The following SIPA1L1 variants were observed in gnomAD, a reference collection of about 807,000 sequenced individuals.
The protein encoded by SIPA1L1 is signal induced proliferation associated 1 like 1.
SIPA1L1 carries 26 observed loss-of-function variants against 162.7 expected under a neutral mutation model. The ratio of observed to expected loss-of-function variants is 0.16; its 90% confidence interval spans 0.12 to 0.22. SIPA1L1 has a LOEUF of 0.22. Among genes scored for constraint, SIPA1L1 ranks in the 10% least tolerant of loss-of-function variants. The pLI, the probability that SIPA1L1 is intolerant of heterozygous loss-of-function variation, is 1.00. For missense variants in SIPA1L1, 1,874 were observed against 2,241.0 expected (o/e 0.84, Z 3.31); for synonymous variants, 829 against 837.4 (o/e 0.99, Z 0.17).
At chr14:71,646,178 CTTTTTT>C (rs756484967) in intron 7 of SIPA1L1, among the ~76,000 whole-genome samples, 1 of 142,076 alleles carries the variant, frequency 7.0e-6, no homozygotes, top group African/African-American at 2.6e-5. Flanking sequence ...TTTCTTTCTA[CTTTTTT>C]TTTTTTTTTT....
At chr14:71,623,579 C>T (rs1434971913) in intron 6 of SIPA1L1, among the ~76,000 whole-genome samples, 1 of 152,146 alleles carries the variant, frequency 6.6e-6, no homozygotes, top group Non-Finnish European at 1.5e-5. Flanking sequence ...ATAGTTTATG[C>T]TTGTCAGCCA....
intron 7 of SIPA1L1, among the ~76,000 whole-genome samples, chr14:71,625,844 T>C (rs2039925077): frequency 6.6e-6 from 1 of 152,252 alleles, no homozygotes; most frequent in African/African-American, 2.4e-5. Flanking sequence ...GTAAAGGAGA[T>C]AGTTATTGCC....
At chr14:71,455,445 A>G (rs2046121339) in intron 2 of SIPA1L1, among the ~76,000 whole-genome samples, 1 of 152,172 alleles carries the variant, frequency 6.6e-6, no homozygotes, top group South Asian at 2.1e-4. Context: ...GGAGTTCCAT[A>G]TGATCACGAG....
intron 2 of SIPA1L1, among the ~76,000 whole-genome samples, chr14:71,325,814 A>G (rs1369793691): frequency 1.3e-5 from 2 of 152,096 alleles, no homozygotes; most frequent in African/African-American, 4.8e-5. Flanking sequence ...GTCATGTTGC[A>G]CTAAGTTCTC....
intron 6 of SIPA1L1, 57 bp from the exon 7 acceptor site, chr14:71,623,991 T>C: frequency 7.0e-7 from 1 of 1,436,882 alleles, no homozygotes; most frequent in Non-Finnish European, 9.5e-7. Context: ...TGCATGTACA[T>C]GTGTTCAGGC....
intron 2 of SIPA1L1, among the ~76,000 whole-genome samples, chr14:71,446,588 G>T (rs1347600774): frequency 6.6e-6 from 1 of 152,036 alleles, no homozygotes; most frequent in South Asian, 2.1e-4. Flanking sequence ...AAGAAAGAAA[G>T]AATTTACTAT....
chr14:71,559,153 C>A (rs1259046837), intron 4 of SIPA1L1, among the ~76,000 whole-genome samples: 1 of 151,756 alleles, frequency 6.6e-6, no homozygotes, highest in African/African-American at 2.4e-5. Flanking sequence ...TTGCAACCTC[C>A]GCCTCCCTGG....
intron 2 of SIPA1L1, among the ~76,000 whole-genome samples, chr14:71,502,242 GA>G (rs139102210): frequency 0.01 from 1,122 of 108,310 alleles, 29 homozygotes; most frequent in African/African-American, 0.035. Context: ...TGAGATACTT[GA>G]AAAAAAAAAA....
chr14:71,336,232 TAA>T (rs942573432), intron 2 of SIPA1L1, among the ~76,000 whole-genome samples: 3 of 152,228 alleles, frequency 2.0e-5, no homozygotes, highest in African/African-American at 7.2e-5. Flanking sequence ...CTATTTAAAT[TAA>T]AAAGTCAGTA....
At chr14:71,623,824 G>A (rs184251973) in intron 6 of SIPA1L1, among the ~76,000 whole-genome samples, 29 of 152,232 alleles carry the variant, frequency 1.9e-4, no homozygotes, top group African/African-American at 6.5e-4. Context: ...TCTTGATTAT[G>A]TGCTCCTTTG....
In SIPA1L1 at chr14:71,723,861, T is replaced by A; in HGVS notation, c.4423T>A (p.Ser1475Thr). The change falls in exon 18 of 24, where the codon TCC (serine) becomes ACC (threonine). Residue 1475 changes from serine (S) to threonine (T), a missense_variant. Around this residue, in one of 5 missense-constraint regions of SIPA1L1, gnomAD observed 936 missense variants for 1,051.9 expected, o/e 0.89. Coordinates refer to ENST00000381232, the MANE Select transcript of SIPA1L1 (RefSeq NM_001386936.1). The part of the protein sequence containing the change: ...GWKKPEGTIN[S>T]VGFMDTRKRH... Reference sequence around the variant, plus strand: ...GAAAAAACCCGAAGGAACCATAAACTCCGTGGGATTTATGGACACGAGAAA... The same window carrying A: ...GAAAAAACCCGAAGGAACCATAAACACCGTGGGATTTATGGACACGAGAAA... 2 of 1,614,140 alleles carry A rather than the reference T, an allele frequency of 1.2e-6. No individual in the cohort carries two copies. The highest frequency in any genetic ancestry group is 8.5e-7 in the Non-Finnish European group (1 of 1,180,024).
intron 19 of SIPA1L1, 38 bp downstream of exon 19, chr14:71,724,873 C>T (rs1479807577): frequency 1.9e-6 from 3 of 1,573,126 alleles, no homozygotes; most frequent in Admixed American, 3.5e-5. Context: ...CAATTAGAAA[C>T]AAGCCAGACA....
At chr14:71,589,410 G>A in intron 5 of SIPA1L1, 40 bp downstream of exon 5, 1 of 1,354,316 alleles carries the variant, frequency 7.4e-7, no homozygotes, top group Non-Finnish European at 1.0e-6. Context: ...TTCTTTTGCA[G>A]TACTTTCTGA....
At chr14:71,567,597 C>G (rs1452005261) in intron 4 of SIPA1L1, among the ~76,000 whole-genome samples, 1 of 149,976 alleles carries the variant, frequency 6.7e-6, no homozygotes, top group Non-Finnish European at 1.5e-5. Context: ...AAACAAGGGT[C>G]AGATTATTCA....
At chr14:71,417,736 A>G (rs1181900736) in intron 2 of SIPA1L1, among the ~76,000 whole-genome samples, 1 of 152,012 alleles carries the variant, frequency 6.6e-6, no homozygotes, top group African/African-American at 2.4e-5. Flanking sequence ...GGACATGCAC[A>G]GTTCAAACTC....
intron 4 of SIPA1L1, among the ~76,000 whole-genome samples, chr14:71,531,141 A>G (rs2053406162): frequency 1.3e-5 from 2 of 152,290 alleles, no homozygotes; most frequent in South Asian, 4.1e-4. Flanking sequence ...TGGAATGTGC[A>G]GGATACTTAT....
intron 20 of SIPA1L1, 35 bp downstream of exon 20, chr14:71,730,336 T>G: frequency 6.2e-7 from 1 of 1,608,338 alleles, no homozygotes; most frequent in Non-Finnish European, 8.5e-7. Context: ...TGGATGGCCC[T>G]GTTGATGATG....
chr14:71,721,784 A>T (rs1340702900), intron 17 of SIPA1L1, among the ~76,000 whole-genome samples: 1 of 152,144 alleles, frequency 6.6e-6, no homozygotes, highest in Non-Finnish European at 1.5e-5. Context: ...ACATGGGGTC[A>T]TGTGCACCCC....
chr14:71,560,320 T>A (rs1475969119), intron 4 of SIPA1L1, among the ~76,000 whole-genome samples: 1 of 152,244 alleles, frequency 6.6e-6, no homozygotes, highest in Non-Finnish European at 1.5e-5. Flanking sequence ...CCAGGGCTGT[T>A]ACACATGTTC....
Sources: allele counts gnomAD v4.1 joint callset (sites outside exome capture counted in the v4.1 genomes callset), GRCh38; gene constraint gnomAD v4.1.1; regional missense constraint gnomAD v4.1.1; transcripts MANE v1.5; gene names NCBI Gene and HGNC (gene_info 2026-07-23, HGNC 2026-07-21).